Variants in PSMD12 observed in about 807,000 individuals in gnomAD.
PSMD12 encodes proteasome 26S subunit, non-ATPase 12, also known as 26S proteasome non-ATPase regulatory subunit 12.
A neutral mutation model predicts 62.9 loss-of-function variants in PSMD12; 8 were observed. The ratio of observed to expected loss-of-function variants is 0.13; its 90% CI spans 0.07 to 0.23. The LOEUF is 0.23. PSMD12 is among the 10% of genes least tolerant of loss of function. The pLI is 1.00. For missense variants in PSMD12, 424 were observed against 550.2 expected (o/e 0.77, Z 2.29); for synonymous variants, 173 against 187.4 (o/e 0.92, Z 0.63).
Position 67,357,439 on chromosome 17 carries a change from G to A in PSMD12, c.169-8C>T. 3.7e-6 allele frequency: 6 copies of A among 1,613,266 alleles called. No individual in the cohort carries two copies. The highest frequency in any genetic ancestry group is 5.1e-6 in the Non-Finnish European group (6 of 1,179,560). The stretch of plus-strand genomic sequence containing the variant: ...CGATACCATATCGGAAGCCTGTAAG[G>A]GTAAAAATATATTGAAAGTTAATGG... On this transcript the variant is annotated splice_region_variant and splice_polypyrimidine_tract_variant and intron_variant, in intron 2 of 10. Transcript: ENST00000356126.
intron 9 of PSMD12, among the ~76,000 whole-genome samples, chr17:67,343,693 TA>T (rs1455097479): frequency 6.6e-6 from 1 of 152,164 alleles, no homozygotes; most frequent in Non-Finnish European, 1.5e-5. Flanking sequence ...TTATTAAAGG[TA>T]GAGTAATGGG....
intron 1 of PSMD12, among the ~76,000 whole-genome samples, chr17:67,360,899 C>T (rs1182775948): frequency 6.6e-6 from 1 of 152,210 alleles, no homozygotes; most frequent in Non-Finnish European, 1.5e-5. Context: ...TTGAAGGACA[C>T]TACCATCATT....
At position 67,340,894 on chromosome 17, in the gene PSMD12, G is replaced by A. The variant is rs935775577; in HGVS notation, c.1320C>T (p.Asn440=). The A allele has an allele frequency of 1.3e-6, 2 of 1,595,824 alleles. No individual in the cohort carries two copies. The highest frequency in any genetic ancestry group is 2.7e-5 in the African/African-American group (2 of 73,494). The change falls in exon 11 of 11, where the codon AAC becomes AAT. Residue 440 remains asparagine, a synonymous_variant. Transcript: ENST00000356126. The part of the protein sequence containing the change: ...QKLNSLMSLV[N]KTTHLIAKEE... ...CTTTGGCTATGAGATGCGTAGTTTT[G>A]TTAACCAGAGACATTAATGAGTTCA...
intron 1 of PSMD12, among the ~76,000 whole-genome samples, chr17:67,361,566 A>G (rs2042127970): frequency 6.6e-6 from 1 of 152,152 alleles, no homozygotes; most frequent in Admixed American, 6.5e-5. Context: ...TGGGTGAAAG[A>G]GCGAAACTCG....
intron 3 of PSMD12, 188 bp downstream of exon 3, chr17:67,357,115 T>C: frequency 1.0e-5 from 6 of 586,542 alleles, no homozygotes; most frequent in Middle Eastern, 4.7e-4. Context: ...TATGCAAACA[T>C]ATAAAGACTA....
At chr17:67,354,908 T>A (rs2042052806) in intron 3 of PSMD12, among the ~76,000 whole-genome samples, 1 of 152,056 alleles carries the variant, frequency 6.6e-6, no homozygotes, top group South Asian at 2.1e-4. Flanking sequence ...AAGAAGTGCA[T>A]AAACCCGAGG....
At chr17:67,342,299 C>T (rs1396474476) in intron 9 of PSMD12, 36 bp from the exon 10 acceptor site, 1 of 1,350,644 alleles carries the variant, frequency 7.4e-7, no homozygotes, top group Non-Finnish European at 1.0e-6. Flanking sequence ...GAACACGTAA[C>T]ATTTGTCAGT....
chr17:67,342,396 C>A, intron 9 of PSMD12, 133 bp from the exon 10 acceptor site: 1 of 612,918 alleles, frequency 1.6e-6, no homozygotes, highest in Non-Finnish European at 2.9e-6. Context: ...CAGTCCATCA[C>A]TGGAGCAAAG....
At chr17:67,362,586 C>CG (rs1220309474) in intron 1 of PSMD12, among the ~76,000 whole-genome samples, 3 of 147,414 alleles carry the variant, frequency 2.0e-5, no homozygotes, top group Non-Finnish European at 4.5e-5. Flanking sequence ...TCCTTGAACC[C>CG]GGGAGATGGA....
chr17:67,344,894 T>C, intron 8 of PSMD12, 114 bp from the exon 9 acceptor site: 2 of 860,494 alleles, frequency 2.3e-6, no homozygotes, highest in Non-Finnish European at 3.5e-6. Flanking sequence ...TTTTATTTAG[T>C]AGAATGAGAC....
At chr17:67,349,970 T>A (rs536780142) in intron 4 of PSMD12, among the ~76,000 whole-genome samples, 2 of 152,198 alleles carry the variant, frequency 1.3e-5, no homozygotes, top group Non-Finnish European at 2.9e-5. Context: ...TCATTTTTTT[T>A]AAAGTCACAT....
chr17:67,363,581 G>T (rs1339738723), intron 1 of PSMD12, among the ~76,000 whole-genome samples: 2 of 152,128 alleles, frequency 1.3e-5, no homozygotes, highest in Non-Finnish European at 2.9e-5. Context: ...CACTTAAGCT[G>T]CCTGAAGCTT....
rs74422299 is a variant in PSMD12 at position 67,347,269 on chromosome 17, A to G, written c.661-19T>C. 272 of 1,613,000 alleles carry G rather than the reference A, an allele frequency of 1.7e-4. No individual in the cohort carries two copies. The East Asian group carries it at 5.9e-3, about 35-fold the overall frequency. ...TTAATTTCTGCAAAAAAGTTGACAA[A>G]ACAAATTGGGGTTTATGGGTTTTAT... On this transcript the variant is annotated intron_variant, in intron 6 of 10. Transcript: ENST00000356126.
chr17:67,352,646 C>T (rs2042029119), intron 3 of PSMD12, among the ~76,000 whole-genome samples: 1 of 152,228 alleles, frequency 6.6e-6, no homozygotes, highest in African/African-American at 2.4e-5. Flanking sequence ...TTTCCAGTTT[C>T]AGTTAGCCAT....
intron 5 of PSMD12, among the ~76,000 whole-genome samples, 161 bp downstream of exon 5, chr17:67,348,389 T>C (rs1294600790): frequency 6.6e-6 from 1 of 152,186 alleles, no homozygotes; most frequent in Non-Finnish European, 1.5e-5. Context: ...GAAATGACAA[T>C]TTTCAGTATG....
intron 3 of PSMD12, among the ~76,000 whole-genome samples, chr17:67,351,310 T>TGA (rs1191306682): frequency 1.3e-5 from 2 of 151,790 alleles, no homozygotes; most frequent in Non-Finnish European, 2.9e-5. Context: ...GAGAATGGTG[T>TGA]GAACCCGGGA....
intron 7 of PSMD12, among the ~76,000 whole-genome samples, chr17:67,346,478 T>C (rs1039547777): frequency 1.3e-4 from 20 of 148,416 alleles, no homozygotes; most frequent in African/African-American, 5.0e-4. Flanking sequence ...GGCAGGCGAG[T>C]CACTTGAATC....
chr17:67,356,611 TAAA>T, intron 3 of PSMD12, among the ~76,000 whole-genome samples: 1 of 126,042 alleles, frequency 7.9e-6, no homozygotes, highest in East Asian at 2.5e-4. Context: ...TAGTTACTAC[TAAA>T]AAAAAATTTT....
rs544251314 is a variant in PSMD12 at position 67,353,285 on chromosome 17, C to CTTCAT, written c.298-2950_298-2949insATGAA. On this transcript the variant is annotated intron_variant, in intron 3 of 10. Transcript: ENST00000356126. Reference sequence around the variant, plus strand: ...CAATTTAGAAAAGGTTATTTCCTTCCTTCCTTTCCTTCCCTTCCTCCTTCC... The same window carrying CTTCAT: ...CAATTTAGAAAAGGTTATTTCCTTCCTTCATTTCCTTTCCTTCCCTTCCTCCTTCC... 8.3e-3 allele frequency among the ~76,000 whole-genome samples: 1,258 copies of CTTCAT among 151,900 alleles called. 17 individuals are homozygous for CTTCAT. Among genetic ancestry groups the CTTCAT allele is most frequent in the African/African-American group, 0.028 (1,169 of 41,392 alleles).
Sources: gnomAD v4.1 joint callset for allele counts (sites outside exome capture counted in the v4.1 genomes callset) on GRCh38, gnomAD v4.1.1 for gene constraint, MANE v1.5 for transcripts, NCBI Gene and HGNC (gene_info 2026-07-23, HGNC 2026-07-21) for gene names.